ITK: variants seen among roughly 807,000 people sequenced by gnomAD.
ITK encodes the protein IL2 inducible T cell kinase, also known as tyrosine-protein kinase ITK/TSK.
In ITK, 45 loss-of-function variants were observed where a neutral mutation model predicts 87.6. That is an observed-to-expected ratio of 0.51 (90% CI 0.40 to 0.66). The LOEUF is 0.66. Ranked by LOEUF, ITK falls within the 30% of genes least tolerant of loss-of-function variation. The pLI, the probability that ITK is intolerant of heterozygous loss-of-function variation, is 0.00. For synonymous variants in ITK, 303 were observed against 273.6 expected (o/e 1.11, Z -1.06); for missense variants, 605 against 766.3 (o/e 0.79, Z 2.48).
At chr5:157,186,704 G>GAT (rs1415496447) in intron 1 of ITK, among the ~76,000 whole-genome samples, 24 of 152,034 alleles carry the variant, frequency 1.6e-4, no homozygotes, top group African/African-American at 5.8e-4. Flanking sequence ...GAGAGAGAGA[G>GAT]AGAGAGCCTT....
chr5:157,209,613 G>A (rs565071754), intron 2 of ITK, among the ~76,000 whole-genome samples: 4 of 152,192 alleles, frequency 2.6e-5, no homozygotes, highest in South Asian at 2.1e-4. Context: ...TCAGCGGCCT[G>A]AAACCTAATG....
chr5:157,220,999 C>T (rs1258217425), intron 5 of ITK, among the ~76,000 whole-genome samples: 2 of 152,290 alleles, frequency 1.3e-5, no homozygotes, highest in African/African-American at 4.8e-5. Context: ...GCTGGGACTA[C>T]AGGCACTTGC....
At chr5:157,185,037 C>A (rs964461414) in intron 1 of ITK, among the ~76,000 whole-genome samples, 7 of 152,142 alleles carry the variant, frequency 4.6e-5, no homozygotes, top group Admixed American at 1.3e-4. Context: ...ACAGAACCAT[C>A]TCCTGCTTGC....
rs535941860 is a variant in ITK at position 157,203,321 on chromosome 5, C to A, written c.139-5568C>A. ...ATGGCTAAATGTACTAGCCTTAAAT[C>A]TGTTTAAGATTGTTTAAACTGTGTT... On this transcript the variant is annotated intron_variant, in intron 1 of 16. Transcript: ENST00000422843. Among the ~76,000 whole-genome samples the A allele has an allele frequency of 4.0e-3, 603 of 152,336 alleles. 5 individuals are homozygous for A. The highest frequency in any genetic ancestry group is 0.014 in the African/African-American group (565 of 41,570).
At chr5:157,230,676 G>T (rs998502994) in intron 7 of ITK, among the ~76,000 whole-genome samples, 3 of 152,122 alleles carry the variant, frequency 2.0e-5, no homozygotes, top group African/African-American at 7.2e-5. Context: ...AAAACAATAA[G>T]CATTTATTTC....
chr5:157,182,971 A>C (rs2113733712), intron 1 of ITK, among the ~76,000 whole-genome samples: 1 of 152,270 alleles, frequency 6.6e-6, no homozygotes, highest in East Asian at 1.9e-4. Context: ...CATTATGGAA[A>C]ATTTCAAGAC....
chr5:157,233,964 T>TATATGTATATATATATA (rs1491125187), intron 8 of ITK, among the ~76,000 whole-genome samples: 1 of 16,910 alleles, frequency 5.9e-5, no homozygotes, highest in South Asian at 3.3e-3. Context: ...TATATATATA[T>TATATGTATATATATATA]TTTTTTTTTT....
At chr5:157,195,494 T>A (rs957577218) in intron 1 of ITK, 2 of 152,254 alleles carry the variant, frequency 1.3e-5, no homozygotes, top group Non-Finnish European at 2.9e-5. Flanking sequence ...TTTTTTCAGA[T>A]AATGGCCTTT....
chr5:157,184,543 A>G (rs1753604395), intron 1 of ITK, among the ~76,000 whole-genome samples: 1 of 152,164 alleles, frequency 6.6e-6, no homozygotes, highest in Non-Finnish European at 1.5e-5. Context: ...AGGCACTTTG[A>G]GTAAGCACAG....
chr5:157,249,037 T>G, intron 16 of ITK, 30 bp downstream of exon 16: 1 of 1,603,944 alleles, frequency 6.2e-7, no homozygotes. Context: ...CCCCATGCAT[T>G]GTCGTATACA....
intron 1 of ITK, chr5:157,199,296 T>C (rs1753916829): frequency 7.1e-6 from 1 of 141,110 alleles, no homozygotes; most frequent in South Asian, 2.2e-4. Flanking sequence ...AAAACTGCTA[T>C]TTTTTTAGAA....
At chr5:157,209,276 G>A (rs964519089) in intron 2 of ITK, among the ~76,000 whole-genome samples, 1 of 150,852 alleles carries the variant, frequency 6.6e-6, no homozygotes, top group Admixed American at 6.6e-5. Flanking sequence ...AGTTTTCAGT[G>A]AGCCAAGATC....
At chr5:157,207,377 C>CTCTTTTT (rs1754101416) in intron 1 of ITK, among the ~76,000 whole-genome samples, 1 of 59,126 alleles carries the variant, frequency 1.7e-5, no homozygotes, top group African/African-American at 6.3e-5. Context: ...AGATACGTCT[C>CTCTTTTT]TTTTTTTTTT....
chr5:157,224,617 T>C (rs1021603678), intron 6 of ITK, among the ~76,000 whole-genome samples: 3 of 151,974 alleles, frequency 2.0e-5, no homozygotes. Context: ...CCATCTCTAC[T>C]AAAAATACAA....
chr5:157,190,954 G>A (rs572901076), intron 1 of ITK, among the ~76,000 whole-genome samples: 1 of 152,210 alleles, frequency 6.6e-6, no homozygotes, highest in Non-Finnish European at 1.5e-5. Context: ...GAAGCAGTGG[G>A]TGTGAGTCCC....
At chr5:157,219,071 C>A (rs1336904462) in intron 5 of ITK, among the ~76,000 whole-genome samples, 1 of 150,392 alleles carries the variant, frequency 6.6e-6, no homozygotes, top group East Asian at 1.9e-4. Flanking sequence ...GAATATGACC[C>A]TGACCTTATG....
rs748393773 is a variant in ITK, at chr5:157,222,848, G to A, written c.496-15G>A. ...TTTTATGTCTTTGCTTGGTTTTGTT[G>A]TCTCTCTTCCCCAGCGACCACTTTG... On this transcript the variant is annotated splice_polypyrimidine_tract_variant and intron_variant, in intron 5 of 16. Coordinates refer to ENST00000422843, the MANE Select transcript of ITK (RefSeq NM_005546.4). The A allele has an allele frequency of 6.2e-7, 1 of 1,613,896 alleles. No homozygotes were observed. The highest frequency in any genetic ancestry group is 2.2e-5 in the East Asian group (1 of 44,858).
intron 4 of ITK, 148 bp downstream of exon 4, chr5:157,214,467 C>G: frequency 1.4e-6 from 1 of 720,564 alleles, no homozygotes; most frequent in East Asian, 2.7e-5. Context: ...GTCTTTCCTA[C>G]CAGCCTGTTG....
chr5:157,202,840 C>T (rs1355306334), intron 1 of ITK, among the ~76,000 whole-genome samples: 4 of 152,204 alleles, frequency 2.6e-5, no homozygotes, highest in African/African-American at 7.2e-5. Context: ...ATATATGGCT[C>T]ATGTTACATT....
Sources: gnomAD v4.1 joint callset for allele counts (sites outside exome capture counted in the v4.1 genomes callset) on GRCh38, gnomAD v4.1.1 for gene constraint, MANE v1.5 for transcripts, NCBI Gene and HGNC (gene_info 2026-07-23, HGNC 2026-07-21) for gene names.